Variants in FOXP2 observed in about 807,000 individuals in gnomAD.
FOXP2 encodes the protein forkhead box protein P2.
Under a neutral mutation model 115.8 loss-of-function variants are expected in FOXP2, and 12 were observed. That is an observed-to-expected ratio of 0.10 (90% CI 0.07 to 0.17). The LOEUF is 0.17. FOXP2 is among the 10% of genes least tolerant of loss of function. The pLI, the probability that FOXP2 is intolerant of heterozygous loss-of-function variation, is 1.00. For missense variants in FOXP2, 629 were observed against 843.5 expected (o/e 0.75, Z 3.15); for synonymous variants, 328 against 297.7 (o/e 1.10, Z -1.05).
At chr7:114,472,328 C>T (rs543965441) in intron 2 of FOXP2, among the ~76,000 whole-genome samples, 17 of 151,506 alleles carry the variant, frequency 1.1e-4, no homozygotes, top group Non-Finnish European at 2.1e-4. Flanking sequence ...CTTTATTGGC[C>T]TCCTGTTTTA....
intron 1 of FOXP2, among the ~76,000 whole-genome samples, chr7:114,203,237 A>G (rs1794117272): frequency 6.6e-6 from 1 of 152,252 alleles, no homozygotes; most frequent in Non-Finnish European, 1.5e-5. Flanking sequence ...AATAAATGTT[A>G]GTTTCTTTCC....
chr7:114,484,869 A>AT (rs1408688163), intron 2 of FOXP2, among the ~76,000 whole-genome samples: 6 of 151,842 alleles, frequency 4.0e-5, no homozygotes, highest in African/African-American at 1.2e-4. Flanking sequence ...TTTTTGGGTT[A>AT]TTTTTTAATT....
At chr7:114,683,802 G>C (rs1463301837) in intron 16 of FOXP2, among the ~76,000 whole-genome samples, 3 of 152,130 alleles carry the variant, frequency 2.0e-5, no homozygotes, top group Non-Finnish European at 2.9e-5. Flanking sequence ...ATGATGTTTT[G>C]AGTCTGAAAT....
At position 114,192,360 on chromosome 7, in the gene FOXP2, C is replaced by G. The variant is rs116516221; in HGVS notation, c.-102+29272C>G. Reference sequence around the variant, plus strand: ...AACATTTCATTATATGGATGCTTCACGGTTTGTTTATCCATTCAGCTGTTG... The same window carrying G: ...AACATTTCATTATATGGATGCTTCAGGGTTTGTTTATCCATTCAGCTGTTG... On this transcript the variant is annotated intron_variant, in intron 1 of 17. Coordinates refer to the FOXP2 transcript ENST00000634411. Among the ~76,000 whole-genome samples the G allele has an allele frequency of 2.6e-3, 392 of 152,212 alleles. 2 individuals are homozygous for G. Among genetic ancestry groups the G allele is most frequent in the African/African-American group, 9.1e-3 (379 of 41,540 alleles).
At chr7:114,209,134 C>T (rs2129161306) in intron 1 of FOXP2, among the ~76,000 whole-genome samples, 1 of 152,278 alleles carries the variant, frequency 6.6e-6, no homozygotes, top group East Asian at 1.9e-4. Context: ...ATCCTGTTTT[C>T]ATGATAGTCA....
chr7:114,511,515 A>T (rs1359058664), intron 2 of FOXP2, among the ~76,000 whole-genome samples: 1 of 152,160 alleles, frequency 6.6e-6, no homozygotes, highest in Non-Finnish European at 1.5e-5. Context: ...GAATAATTTC[A>T]CTGGAGAGCC....
chr7:114,207,482 A>G (rs896339918), intron 1 of FOXP2, among the ~76,000 whole-genome samples: 3 of 152,230 alleles, frequency 2.0e-5, no homozygotes, highest in African/African-American at 4.8e-5. Flanking sequence ...TCATAAATAC[A>G]GTATAAAACA....
At chr7:114,561,674 T>C (rs1404573941) in intron 3 of FOXP2, among the ~76,000 whole-genome samples, 1 of 152,230 alleles carries the variant, frequency 6.6e-6, no homozygotes, top group African/African-American at 2.4e-5. Flanking sequence ...TTTAAAACTT[T>C]ACACTAATCC....
chr7:114,170,496 C>T (rs895586781), intron 1 of FOXP2, among the ~76,000 whole-genome samples: 18 of 152,144 alleles, frequency 1.2e-4, no homozygotes, highest in African/African-American at 2.9e-4. Context: ...CAACATAGGC[C>T]GAAAGTTAGG....
chr7:114,329,396 G>A (rs1218544734), intron 2 of FOXP2, among the ~76,000 whole-genome samples: 2 of 150,956 alleles, frequency 1.3e-5, no homozygotes, highest in African/African-American at 2.4e-5. Flanking sequence ...GCGGGTGCCT[G>A]TAATCCCAAC....
chr7:114,409,915 T>G (rs1793124123), upstream of FOXP2, among the ~76,000 whole-genome samples: 1 of 152,106 alleles, frequency 6.6e-6, no homozygotes, highest in Admixed American at 6.6e-5. Flanking sequence ...CTCACCCTAG[T>G]GTATTCCATT....
chr7:114,116,563 A>AG lies in FOXP2; in HGVS notation c.-247+28726dup, dbSNP rs531051028. 1.5e-3 allele frequency among the ~76,000 whole-genome samples: 235 copies of AG among 152,262 alleles called. 2 individuals are homozygous for AG. The highest frequency in any genetic ancestry group is 5.3e-3 in the African/African-American group (221 of 41,584). The stretch of plus-strand genomic sequence containing the variant: ...ACATTTAAAATGACAGCTGTAAATG[A>AG]GAATAGGAAAATAAAGATTGACTCC... On this transcript the variant is annotated intron_variant, in intron 1 of 19. Coordinates refer to the FOXP2 transcript ENST00000635638.
At chr7:114,368,648 A>G (rs992088147) in intron 2 of FOXP2, among the ~76,000 whole-genome samples, 22 of 152,200 alleles carry the variant, frequency 1.4e-4, no homozygotes, top group African/African-American at 5.1e-4. Flanking sequence ...AAGAAGGTCT[A>G]ACCTCATGGC....
At chr7:114,321,309 C>T (rs1454609353) in intron 2 of FOXP2, among the ~76,000 whole-genome samples, 1 of 151,896 alleles carries the variant, frequency 6.6e-6, no homozygotes, top group Non-Finnish European at 1.5e-5. Flanking sequence ...CGCCATTCTC[C>T]TGCCTCAGCC....
chr7:114,472,877 AG>A (rs1287635211), intron 2 of FOXP2, among the ~76,000 whole-genome samples: 4 of 152,062 alleles, frequency 2.6e-5, no homozygotes, highest in African/African-American at 9.7e-5. Flanking sequence ...GTCTGTCTAG[AG>A]GAAAAAATAT....
chr7:114,115,268 T>C (rs1433137884), intron 1 of FOXP2, among the ~76,000 whole-genome samples: 2 of 152,184 alleles, frequency 1.3e-5, no homozygotes, highest in Non-Finnish European at 2.9e-5. Context: ...TTAATGCATA[T>C]TTGTTGAATG....
At chr7:114,282,618 G>A (rs938890398) in intron 1 of FOXP2, among the ~76,000 whole-genome samples, 1 of 152,010 alleles carries the variant, frequency 6.6e-6, no homozygotes, top group Non-Finnish European at 1.5e-5. Context: ...AATATTTATT[G>A]TGTGACTACT....
rs141273141 is a variant in FOXP2 at position 114,656,430 on chromosome 7, G to A, written c.1267-1636G>A. ...ATTGTTATGTATATGTTCTGATGTT[G>A]ATATTTTAGAATATTTGCAAAGTCA... On this transcript the variant is annotated intron_variant, in intron 10 of 16. Coordinates refer to ENST00000350908, the MANE Select transcript of FOXP2 (RefSeq NM_014491.4). The A allele has an allele frequency of 4.6e-3, 1,934 of 424,796 alleles. 10 individuals are homozygous for A. The highest frequency in any genetic ancestry group is 7.1e-3 in the Non-Finnish European group (1,488 of 210,438). The allele number at this position is 424,796 out of a possible 1,614,324, so 26.3% of individuals were successfully genotyped here.
chr7:114,199,515 A>C (rs182972769), intron 1 of FOXP2, among the ~76,000 whole-genome samples: 2 of 152,338 alleles, frequency 1.3e-5, no homozygotes, highest in Admixed American at 1.3e-4. Context: ...GAAAGGGAGC[A>C]GAGCTAAGAG....
Sources: allele counts gnomAD v4.1 joint callset (sites outside exome capture counted in the v4.1 genomes callset), GRCh38; gene constraint gnomAD v4.1.1; transcripts MANE v1.5; gene names NCBI Gene and HGNC (gene_info 2026-07-23, HGNC 2026-07-21).